The following RGS12 variants were observed in gnomAD, a reference collection of about 807,000 sequenced individuals.
RGS12 encodes regulator of G-protein signaling 12.
Under a neutral mutation model 120.1 loss-of-function variants are expected in RGS12, and 66 were observed. The ratio of observed to expected loss-of-function variants is 0.55; its 90% confidence interval spans 0.45 to 0.67. RGS12 has a LOEUF of 0.67. RGS12 is among the 30% of genes least tolerant of loss of function. The probability of loss-of-function intolerance (pLI) is 0.00; values close to 1 mark genes in which losing one functional copy is unlikely to be tolerated. For synonymous variants in RGS12, 827 were observed against 804.7 expected (o/e 1.03, Z -0.47); for missense variants, 1,859 against 1,957.7 (o/e 0.95, Z 0.95).
At position 3,428,774 on chromosome 4, in the gene RGS12, C is replaced by T. The variant is rs1031170357; in HGVS notation, c.3565+63C>T. The stretch of plus-strand genomic sequence containing the variant: ...ATGCACAGTTAGTTTCCAGTATAGT[C>T]AGTAGATCTGCTTTGAGCTGTCAGC... On this transcript the variant is annotated intron_variant, in intron 16 of 17. Transcript: ENST00000336727. 5.0e-6 allele frequency: 7 copies of T among 1,397,500 alleles called. No individual in the cohort carries two copies. The Admixed American group carries it at 1.3e-4, about 26-fold the overall frequency. 86.6% of individuals were successfully genotyped at this position (1,397,500 alleles called of 1,614,324 possible). A position where few individuals can be genotyped will look rare whatever the true frequency, so the allele number is the denominator to read the frequency against.
In RGS12 at chr4:3,311,828, T is replaced by C. The variant is rs201563608; in HGVS notation, c.-101-4242T>C. 2.0e-4 allele frequency among the ~76,000 whole-genome samples: 31 copies of C among 152,240 alleles called. No homozygotes were observed. In the South Asian group the frequency reaches 3.5e-3, roughly 17 times the overall value. On this transcript the variant is annotated intron_variant, in intron 1 of 17. Transcript: ENST00000336727. The stretch of plus-strand genomic sequence containing the variant: ...AGCCCTTCTGGTCCCAAAAATCTCT[T>C]CTAAGGGACACTCAGCCTGTGTGAC...
intron 3 of RGS12, among the ~76,000 whole-genome samples, chr4:3,349,654 C>T (rs1195057908): frequency 2.0e-5 from 3 of 152,004 alleles, no homozygotes; most frequent in Non-Finnish European, 2.9e-5. Context: ...TATGTAAGAA[C>T]TTTAACTCTT....
intron 2 of RGS12, among the ~76,000 whole-genome samples, chr4:3,328,301 C>T (rs1725697065): frequency 6.6e-6 from 1 of 152,202 alleles, no homozygotes; most frequent in Non-Finnish European, 1.5e-5. Flanking sequence ...ACGTATGTTG[C>T]ACAGACTGTG....
intron 3 of RGS12, among the ~76,000 whole-genome samples, chr4:3,347,642 A>G (rs1402927810): frequency 6.6e-6 from 1 of 152,206 alleles, no homozygotes; most frequent in East Asian, 1.9e-4. Flanking sequence ...AAGAATTTTC[A>G]GTTAGTCTGT....
rs1174602175 is a variant in RGS12, at chr4:3,366,490, C to A, written c.1999-19926C>A. Among the ~76,000 whole-genome samples the A allele has an allele frequency of 6.6e-6, 1 of 152,200 alleles. No individual in the cohort carries two copies. Among genetic ancestry groups the A allele is most frequent in the Non-Finnish European group, 1.5e-5 (1 of 68,026 alleles). On this transcript the variant is annotated intron_variant, in intron 3 of 17. Transcript: ENST00000336727. This position sits in a 1 kb window ranked among gnomAD's most constrained non-coding sequence, Gnocchi z 4.0. ...AGAGGCGCTCCTCCAGTTCCCGCCT[C>A]TCTGCCTCGCACGCCCTCCTAGCTG...
At position 3,301,152 on chromosome 4, in the gene RGS12, G is replaced by T. The variant is rs1015920639; in HGVS notation, c.-102+8053G>T. Among the ~76,000 whole-genome samples the T allele has an allele frequency of 2.6e-5, 4 of 152,140 alleles. No individual in the cohort carries two copies. The East Asian group carries it at 7.8e-4, about 29-fold the overall frequency. On this transcript the variant is annotated intron_variant, in intron 1 of 17. Coordinates refer to ENST00000336727, the MANE Select transcript of RGS12 (RefSeq NM_001394154.1). The stretch of plus-strand genomic sequence containing the variant: ...CGGCTGCCCTCCTCTGTAACACGGG[G>T]TCTGTCCCCGGCTGCCCTCCTCTGT...
intron 3 of RGS12, chr4:3,385,078 C>T (rs189410245): frequency 6.5e-6 from 1 of 152,822 alleles, no homozygotes; most frequent in East Asian, 1.9e-4. Context: ...CCTTGGTCCC[C>T]TCCCCCTTGG....
intron 12 of RGS12, among the ~76,000 whole-genome samples, chr4:3,423,208 C>G (rs1399756181): frequency 1.3e-5 from 2 of 152,198 alleles, no homozygotes; most frequent in Non-Finnish European, 2.9e-5. Context: ...CTGCCCTGGC[C>G]TGGTGAGCCC....
intron 13 of RGS12, 82 bp from the exon 14 acceptor site, chr4:3,425,382 C>A: frequency 1.6e-6 from 2 of 1,232,508 alleles, no homozygotes; most frequent in Non-Finnish European, 2.4e-6. Context: ...CTAGGACAGT[C>A]ATGCAGTCGG....
At chr4:3,349,280 A>C (rs934254957) in intron 3 of RGS12, among the ~76,000 whole-genome samples, 1 of 152,216 alleles carries the variant, frequency 6.6e-6, no homozygotes, top group Non-Finnish European at 1.5e-5. Flanking sequence ...CTTCGATGAC[A>C]TCCTTAAGCC....
intron 3 of RGS12, among the ~76,000 whole-genome samples, chr4:3,363,233 C>T (rs1430413978): frequency 1.3e-5 from 2 of 152,092 alleles, no homozygotes; most frequent in Non-Finnish European, 2.9e-5. Flanking sequence ...CTTCTTACCC[C>T]ATAAATCCTA....
chr4:3,323,348 T>C (rs1227902767), intron 2 of RGS12, among the ~76,000 whole-genome samples: 1 of 152,264 alleles, frequency 6.6e-6, no homozygotes, highest in Non-Finnish European at 1.5e-5. Context: ...AACAGCACTG[T>C]AAGAGTCAGA....
At chr4:3,291,778 C>A (rs1331019885), upstream of RGS12, among the ~76,000 whole-genome samples, 1 of 152,174 alleles carries the variant, frequency 6.6e-6, no homozygotes, top group Non-Finnish European at 1.5e-5. Context: ...TCCTTCAGCC[C>A]TGCAGGTGAA....
At chr4:3,420,184 C>T (rs922947554) in intron 9 of RGS12, among the ~76,000 whole-genome samples, 4 of 152,172 alleles carry the variant, frequency 2.6e-5, no homozygotes, top group African/African-American at 7.2e-5. Context: ...AGGCCGCATC[C>T]GGCTGAGAGC....
At chr4:3,306,310 A>G (rs942428036) in intron 1 of RGS12, among the ~76,000 whole-genome samples, 3 of 152,206 alleles carry the variant, frequency 2.0e-5, no homozygotes, top group African/African-American at 7.2e-5. Context: ...TGGGCTGCTC[A>G]GAGGAGAGTC....
chr4:3,359,842 C>G (rs111336426), intron 3 of RGS12, among the ~76,000 whole-genome samples: 1 of 151,988 alleles, frequency 6.6e-6, no homozygotes, highest in African/African-American at 2.4e-5. Flanking sequence ...AGGCTGGTCT[C>G]GAACTCCTGA....
In RGS12 at chr4:3,439,629, T is replaced by A; in HGVS notation, c.4289T>A (p.Val1430Asp). ...TCAGACCTCCCTGGCTTGGGCCCCGTCCCGGGTGAGCCTGCTAAGCCCAAG... is the reference window on the plus strand; with the variant it reads ...TCAGACCTCCCTGGCTTGGGCCCCGACCCGGGTGAGCCTGCTAAGCCCAAG... ...PTSDLPGLGP[V>D]PGEPAKPKTS... Residue 1430 changes from valine (V) to aspartate (D), a missense_variant, in exon 18 of 18, where the codon GTC (valine) becomes GAC (aspartate). Transcript: ENST00000336727. 3 of 1,595,762 alleles carry A rather than the reference T, an allele frequency of 1.9e-6. No homozygotes were observed. The highest frequency in any genetic ancestry group is 2.6e-6 in the Non-Finnish European group (3 of 1,171,052).
At chr4:3,417,627 C>T (rs1333000755) in intron 9 of RGS12, 86 bp downstream of exon 9, 2 of 1,473,256 alleles carry the variant, frequency 1.4e-6, no homozygotes, top group South Asian at 1.2e-5. Context: ...TGGCGGTGAC[C>T]TTGGGCCATG....
chr4:3,288,587 G>A (rs189567598), upstream of RGS12, among the ~76,000 whole-genome samples: 36 of 152,280 alleles, frequency 2.4e-4, 1 homozygote, highest in East Asian at 6.4e-3. The surrounding 1 kb of genome is among the most constrained non-coding windows in gnomAD (Gnocchi z 5.2). Context: ...TGCCTGGGTC[G>A]GCTCAGACCC....
Sources: allele counts gnomAD v4.1 joint callset (sites outside exome capture counted in the v4.1 genomes callset), GRCh38; gene constraint gnomAD v4.1.1; non-coding constraint Gnocchi (gnomAD v3.1); transcripts MANE v1.5; gene names NCBI Gene and HGNC (gene_info 2026-07-23, HGNC 2026-07-21).